The following OFD1 variants were observed in gnomAD, a reference collection of about 807,000 sequenced individuals.
OFD1 encodes the protein centriole and centriolar satellite protein OFD1.
Under a neutral mutation model 81.4 loss-of-function variants are expected in OFD1, and 12 were observed. The observed-to-expected ratio is 0.15, with a 90% CI of 0.09 to 0.24. The LOEUF is 0.24. OFD1 is among the 10% of genes least tolerant of loss of function. The pLI is 1.00. For missense variants in OFD1, 685 were observed against 733.9 expected (o/e 0.93, Z 0.77); for synonymous variants, 256 against 263.7 (o/e 0.97, Z 0.28).
At chrX:13,715,960 A>C in the OFD1 span, 4 of 1,148,067 alleles carry the variant, frequency 3.5e-6, no homozygotes, top group Non-Finnish European at 4.7e-6. Context: ...ACAAAGGTCG[A>C]ATCCTTTCTC....
At chrX:13,772,086 T>TA (rs1174392182), downstream of OFD1, 1 of 112,474 alleles carries the variant, frequency 8.9e-6, no homozygotes, top group African/African-American at 3.2e-5. Context: ...AGTTATGATA[T>TA]AAATTCTTAG....
At chrX:13,770,840 T>G (rs1216885698), downstream of OFD1, among the ~76,000 whole-genome samples, 2 of 112,473 alleles carry the variant, frequency 1.8e-5, no homozygotes, top group African/African-American at 6.5e-5. Context: ...CAGATTTGAT[T>G]TCCATACCAA....
chrX:13,734,073 C>T (rs763582277), upstream of OFD1: 9 of 513,044 alleles, frequency 1.8e-5, no homozygotes, highest in Non-Finnish European at 2.8e-5. Context: ...ATGGTTGGTA[C>T]TCTAAAACGT....
the OFD1 span, chrX:13,716,233 AGTTTT>A: frequency 2.9e-6 from 2 of 698,935 alleles, no homozygotes; most frequent in Non-Finnish European, 4.1e-6. Context: ...AAATTAGCTT[AGTTTT>A]ATCATAAAGA....
At chrX:13,752,017 T>C (rs1398274459) in intron 10 of OFD1, among the ~76,000 whole-genome samples, 1 of 112,194 alleles carries the variant, frequency 8.9e-6, no homozygotes, top group African/African-American at 3.2e-5. Context: ...TCTTTTCCTC[T>C]ACCTCACTCA....
At chrX:13,739,959 T>C in intron 5 of OFD1, 2 of 891,410 alleles carry the variant, frequency 2.2e-6, no homozygotes, top group South Asian at 2.7e-5. Flanking sequence ...TAATAGTCCT[T>C]TTGTGTTGGT....
At chrX:13,749,247 T>C (rs2047413875) in intron 8 of OFD1, among the ~76,000 whole-genome samples, 180 bp from the exon 9 acceptor site, 1 of 110,917 alleles carries the variant, frequency 9.0e-6, no homozygotes, top group Non-Finnish European at 1.9e-5. Flanking sequence ...ATTGGGGGAG[T>C]AAATTTTTAT....
chrX:13,723,479 G>A, the OFD1 span, among the ~76,000 whole-genome samples: 1 of 111,591 alleles, frequency 9.0e-6, no homozygotes, highest in Non-Finnish European at 1.9e-5. Context: ...GATTCCAAAC[G>A]TTTTATAAAA....
At chrX:13,724,913 C>T in the OFD1 span, among the ~76,000 whole-genome samples, 2 of 113,258 alleles carry the variant, frequency 1.8e-5, no homozygotes, top group African/African-American at 6.4e-5. Flanking sequence ...TGTGCTTTTC[C>T]CAAGGTCTTA....
Position 13,761,138 on chromosome X carries a change from C to A in OFD1, c.2314C>A (p.Leu772Ile). The A allele has an allele frequency of 8.3e-7, 1 of 1,210,502 alleles. No homozygotes were observed. The highest frequency in any genetic ancestry group is 1.8e-5 in the South Asian group (1 of 56,957). ...CAGTCCTTGTCCTGACAGAATGCCC[C>A]TACCATCACCCACTGAGTCTAGGCA... ...SPSPCPDRMP[L>I]PSPTESRHSL... The change falls in exon 17 of 23, where the codon CTA (leucine) becomes ATA (isoleucine). Residue 772 changes from leucine to isoleucine, a missense_variant. Transcript: ENST00000340096.
chrX:13,730,280 AAAG>A (rs747065248), upstream of OFD1, among the ~76,000 whole-genome samples: 1 of 112,092 alleles, frequency 8.9e-6, no homozygotes, highest in African/African-American at 3.2e-5. Context: ...AGACTTCTCA[AAAG>A]AAGACATCTA....
chrX:13,750,055 T>G (rs1419711375), intron 9 of OFD1, among the ~76,000 whole-genome samples: 1 of 112,417 alleles, frequency 8.9e-6, no homozygotes, highest in African/African-American at 3.2e-5. Context: ...CTGTCTATAG[T>G]TTGTGCAATA....
At chrX:13,728,457 G>C in the OFD1 span, among the ~76,000 whole-genome samples, 111 of 111,671 alleles carry the variant, frequency 9.9e-4, 1 homozygote, top group African/African-American at 3.4e-3. Flanking sequence ...TACGCAAATC[G>C]ATAAACATAA....
At chrX:13,763,289 A>G (rs1159946666) in intron 18 of OFD1, among the ~76,000 whole-genome samples, 1 of 112,626 alleles carries the variant, frequency 8.9e-6, no homozygotes, top group African/African-American at 3.2e-5. Flanking sequence ...AGCTTGAGAA[A>G]TCTTTATATT....
chrX:13,716,489 A>T, the OFD1 span: 1 of 1,202,326 alleles, frequency 8.3e-7, no homozygotes, highest in South Asian at 1.8e-5. Context: ...CTGGTTTGTG[A>T]GCCCAAACTT....
At chrX:13,721,585 T>C in the OFD1 span, 1 of 112,075 alleles carries the variant, frequency 8.9e-6, no homozygotes, top group African/African-American at 3.2e-5. Flanking sequence ...GGCCTTCTGC[T>C]GATTCACACA....
intron 11 of OFD1, among the ~76,000 whole-genome samples, chrX:13,753,647 G>A (rs941377475): frequency 4.2e-4 from 47 of 111,863 alleles, no homozygotes; most frequent in African/African-American, 1.5e-3. Context: ...TTAATAGTTT[G>A]TATATTCACA....
At chrX:13,771,112 C>CTGTT (rs1376662806), downstream of OFD1, 49 of 112,495 alleles carry the variant, frequency 4.4e-4, no homozygotes, top group African/African-American at 1.4e-3. Flanking sequence ...TATTGATTCA[C>CTGTT]TGTTAGGTTA....
chrX:13,723,239 C>T, the OFD1 span, among the ~76,000 whole-genome samples: 3 of 111,843 alleles, frequency 2.7e-5, no homozygotes, highest in Non-Finnish European at 3.8e-5. Context: ...ACAATCTTAG[C>T]GCACTGCAAC....
Sources: allele counts gnomAD v4.1 joint callset (sites outside exome capture counted in the v4.1 genomes callset), GRCh38; gene constraint gnomAD v4.1.1; transcripts MANE v1.5; gene names NCBI Gene and HGNC (gene_info 2026-07-23, HGNC 2026-07-21).